Variants in ABHD10 observed in about 807,000 individuals in gnomAD.
ABHD10 encodes the protein abhydrolase domain containing 10, depalmitoylase, also known as palmitoyl-protein thioesterase ABHD10, mitochondrial.
Under a neutral mutation model 33.1 loss-of-function variants are expected in ABHD10, and 22 were observed. That is an observed-to-expected ratio of 0.66 (90% confidence interval 0.47 to 0.95). The LOEUF (loss-of-function observed/expected upper bound fraction) is 0.95, where lower values mean the gene tolerates loss of function less well. Among genes scored for constraint, ABHD10 ranks in the 40% least tolerant of loss-of-function variants. ABHD10 has a pLI of 0.00. For missense variants in ABHD10, 352 were observed against 379.9 expected (o/e 0.93, Z 0.61); for synonymous variants, 146 against 133.9 (o/e 1.09, Z -0.62).
At chr3:111,980,827 T>G (rs2072574282) in intron 1 of ABHD10, among the ~76,000 whole-genome samples, 1 of 152,186 alleles carries the variant, frequency 6.6e-6, no homozygotes, top group South Asian at 2.1e-4. Flanking sequence ...AACTGCTCAT[T>G]GAACCCACCT....
rs371914649 is a variant in ABHD10, at chr3:111,979,093, C to T, written c.32C>T (p.Ala11Val). Residue 11 changes from alanine (A) to valine (V), a missense_variant, in exon 1 of 5, where the codon GCC (alanine) becomes GTC (valine). Coordinates refer to ENST00000273359, the MANE Select transcript of ABHD10 (RefSeq NM_018394.4). MAVARLAAVA[A>V]WVPCRSWGWA... ...GTTGCGCGCTTGGCAGCTGTGGCGG[C>T]CTGGGTACCTTGTCGGAGCTGGGGC... The T allele has an allele frequency of 5.6e-6, 9 of 1,613,402 alleles. No homozygotes were observed. Among genetic ancestry groups the T allele is most frequent in the Non-Finnish European group, 6.8e-6 (8 of 1,179,822 alleles).
intron 1 of ABHD10, among the ~76,000 whole-genome samples, chr3:111,980,070 T>C (rs1457224404): frequency 6.6e-6 from 1 of 152,256 alleles, no homozygotes; most frequent in Non-Finnish European, 1.5e-5. Flanking sequence ...TGAGCACTTA[T>C]GCACCAGGCT....
At chr3:111,990,401 G>T (rs936173075) in intron 4 of ABHD10, among the ~76,000 whole-genome samples, 1 of 151,894 alleles carries the variant, frequency 6.6e-6, no homozygotes, top group Non-Finnish European at 1.5e-5. Context: ...ATATTGGAAG[G>T]AAATAAGCCA....
In ABHD10 at chr3:111,979,081, C is replaced by T. The variant is rs1261551500; in HGVS notation, c.20C>T (p.Ala7Val). ...ACGAAGATGGCGGTTGCGCGCTTGGCAGCTGTGGCGGCCTGGGTACCTTGT... is the reference window on the plus strand; with the variant it reads ...ACGAAGATGGCGGTTGCGCGCTTGGTAGCTGTGGCGGCCTGGGTACCTTGT... Reference protein sequence around the residue: MAVARLAAVAAWVPCRS... With the variant: MAVARLVAVAAWVPCRS... Residue 7 changes from alanine to valine, a missense_variant, in exon 1 of 5, where the codon GCA becomes GTA. Physicochemically the swap from Ala to Val is moderately conservative, Grantham distance 64. Transcript: ENST00000273359. The T allele has an allele frequency of 6.2e-7, 1 of 1,613,180 alleles. No individual in the cohort carries two copies. The highest frequency in any genetic ancestry group is 1.1e-5 in the South Asian group (1 of 91,002).
At chr3:111,979,986 C>T (rs1221208003) in intron 1 of ABHD10, among the ~76,000 whole-genome samples, 1 of 152,196 alleles carries the variant, frequency 6.6e-6, no homozygotes, top group African/African-American at 2.4e-5. Context: ...CATGCAAATA[C>T]TCCTAGTAAA....
chr3:111,991,737 T>C lies in ABHD10; in HGVS notation c.*16T>C. On this transcript the variant is annotated 3_prime_UTR_variant, in exon 5 of 5. Coordinates refer to ENST00000273359, the MANE Select transcript of ABHD10 (RefSeq NM_018394.4). ...AGTTAACTAGTATCACATGTTTAGT[T>C]GGTATGTAAACTAATGTATCCAGAA... The C allele has an allele frequency of 6.3e-7, 1 of 1,582,698 alleles. No individual in the cohort carries two copies. The highest frequency in any genetic ancestry group is 8.7e-7 in the Non-Finnish European group (1 of 1,155,884).
chr3:111,987,012 A>C lies in ABHD10; in HGVS notation c.537A>C (p.Ala179=). The C allele has an allele frequency of 6.2e-7, 1 of 1,613,090 alleles. No homozygotes were observed. The highest frequency in any genetic ancestry group is 8.5e-7 in the Non-Finnish European group (1 of 1,179,834). Residue 179 remains alanine (A), a synonymous_variant, in exon 4 of 5, where the codon GCA becomes GCC. Coordinates refer to ENST00000273359, the MANE Select transcript of ABHD10 (RefSeq NM_018394.4). The part of the protein sequence containing the change: ...VVALIGVATA[A]DTLVTKFNQL... ...CTCTTATTGGTGTAGCTACAGCTGC[A>C]GATACCTTAGTGACAAAGTTTAATC...
chr3:111,990,657 C>G, intron 4 of ABHD10: 1 of 957,804 alleles, frequency 1.0e-6, no homozygotes, highest in Non-Finnish European at 1.5e-6. Context: ...TGGAAGACTT[C>G]TTTGTCATCC....
chr3:111,986,249 T>C lies in ABHD10; in HGVS notation c.327-15T>C. On this transcript the variant is annotated splice_polypyrimidine_tract_variant and intron_variant, in intron 2 of 4. Transcript: ENST00000273359. ...TATAGATATTTAGATATAGATTTTT[T>C]TCCCCTTTTTCCAGGTTTGATTACT... The C allele has an allele frequency of 6.7e-7, 1 of 1,487,686 alleles. No individual in the cohort carries two copies. 92.2% of individuals were successfully genotyped at this position (1,487,686 alleles called of 1,614,324 possible). A position where few individuals can be genotyped will look rare whatever the true frequency, so the allele number is the denominator to read the frequency against.
Position 111,986,274 on chromosome 3 carries a change from T to A in ABHD10, c.337T>A (p.Ser113Thr), listed in dbSNP as rs769996580. The A allele has an allele frequency of 1.2e-6, 2 of 1,610,636 alleles. No homozygotes were observed. Among genetic ancestry groups the A allele is most frequent in the Non-Finnish European group, 1.7e-6 (2 of 1,177,338 alleles). Residue 113 changes from serine (S) to threonine (T), a missense_variant, in exon 3 of 5, where the codon TCA becomes ACA. Coordinates refer to ENST00000273359, the MANE Select transcript of ABHD10 (RefSeq NM_018394.4). Reference sequence around the variant, plus strand: ...TTCCCCTTTTTCCAGGTTTGATTACTCAGGAGTTGGAAGTTCAGATGGTAA... The same window carrying A: ...TTCCCCTTTTTCCAGGTTTGATTACACAGGAGTTGGAAGTTCAGATGGTAA... ...LGHACIRFDY[S>T]GVGSSDGNSE... is the part of the protein sequence containing the mutation.
rs772910101 is a variant in ABHD10 at position 111,979,199 on chromosome 3, C to G, written c.138C>G (p.Leu46=). 1.9e-6 allele frequency: 3 copies of G among 1,598,530 alleles called. No homozygotes were observed. Among genetic ancestry groups the G allele is most frequent in the African/African-American group, 2.7e-5 (2 of 74,486 alleles). Residue 46 remains leucine, a synonymous_variant, in exon 1 of 5, where the codon CTC becomes CTG. Coordinates refer to ENST00000273359, the MANE Select transcript of ABHD10 (RefSeq NM_018394.4). ...TACCTCAGCGGGCGCCACGGTGGCT[C>G]CCAGGTCAGTGTCCGAAAGGCGGGA... The part of the protein sequence containing the change: ...ARIPQRAPRW[L]PACRQKTSLS...
chr3:111,979,077 T>C lies in ABHD10; in HGVS notation c.16T>C (p.Leu6=). 6.2e-7 allele frequency: 1 copy of C among 1,613,324 alleles called. No individual in the cohort carries two copies. Among genetic ancestry groups the C allele is most frequent in the Non-Finnish European group, 8.5e-7 (1 of 1,179,686 alleles). ...AACTACGAAGATGGCGGTTGCGCGC[T>C]TGGCAGCTGTGGCGGCCTGGGTACC... MAVAR[L]AAVAAWVPCR... The change falls in exon 1 of 5, where the codon TTG becomes CTG. Residue 6 remains leucine (L), a synonymous_variant. Coordinates refer to ENST00000273359, the MANE Select transcript of ABHD10 (RefSeq NM_018394.4).
At chr3:111,986,581 A>G (rs1577250422) in intron 3 of ABHD10, among the ~76,000 whole-genome samples, 1 of 151,736 alleles carries the variant, frequency 6.6e-6, no homozygotes, top group African/African-American at 2.4e-5. Context: ...GACTACAGGC[A>G]CCCGCCACCA....
At chr3:111,981,248 G>T (rs1439690468) in intron 1 of ABHD10, among the ~76,000 whole-genome samples, 1 of 150,310 alleles carries the variant, frequency 6.7e-6, no homozygotes, top group Non-Finnish European at 1.5e-5. Context: ...GGAAGTCCAG[G>T]CTGCCGTAAG....
chr3:111,979,512 A>G (rs9861562), intron 1 of ABHD10, among the ~76,000 whole-genome samples: 31,386 of 152,220 alleles, frequency 0.21, 3,343 homozygotes, highest in Middle Eastern at 0.28. Context: ...TAAAATGTGC[A>G]TTTAATGCAT....
In ABHD10 at chr3:111,991,721, G is replaced by A; in HGVS notation, c.921G>A (p.Ter307=). The change falls in exon 5 of 5, where the codon TAG becomes TAA. Residue 307 remains the stop codon, a stop_retained_variant. Coordinates refer to ENST00000273359, the MANE Select transcript of ABHD10 (RefSeq NM_018394.4). ...ATAAGCTCTCAACTATAGTTAACTA[G>A]TATCACATGTTTAGTTGGTATGTAA... ...LIDKLSTIVN[*] 1 of 1,603,410 alleles carries A rather than the reference G, an allele frequency of 6.2e-7. No homozygotes were observed. Among genetic ancestry groups the A allele is most frequent in the Non-Finnish European group, 8.5e-7 (1 of 1,172,984 alleles).
At chr3:111,979,917 A>T (rs1345669961) in intron 1 of ABHD10, among the ~76,000 whole-genome samples, 3 of 152,218 alleles carry the variant, frequency 2.0e-5, no homozygotes, top group African/African-American at 7.2e-5. Context: ...TCCAGTTTTT[A>T]AACTTTTATA....
intron 1 of ABHD10, among the ~76,000 whole-genome samples, chr3:111,979,847 A>G (rs1393725971): frequency 6.6e-6 from 1 of 152,224 alleles, no homozygotes; most frequent in Non-Finnish European, 1.5e-5. Flanking sequence ...CAGATGATGC[A>G]TGGTGCTTGG....
At chr3:111,989,685 TG>T (rs1308194013) in intron 4 of ABHD10, among the ~76,000 whole-genome samples, 6 of 152,212 alleles carry the variant, frequency 3.9e-5, no homozygotes, top group Non-Finnish European at 8.8e-5. Context: ...TTTAAATATT[TG>T]GTTCATATGT....
Sources: allele counts gnomAD v4.1 joint callset (sites outside exome capture counted in the v4.1 genomes callset), GRCh38; gene constraint gnomAD v4.1.1; transcripts MANE v1.5; gene names NCBI Gene and HGNC (gene_info 2026-07-23, HGNC 2026-07-21).